Variants in AIFM3 observed in about 807,000 individuals in gnomAD.
The protein encoded by AIFM3 is apoptosis-inducing factor 3.
In AIFM3, 71 loss-of-function variants were observed where a neutral mutation model predicts 82.7. The ratio of observed to expected loss-of-function variants is 0.86; its 90% CI spans 0.71 to 1.05. AIFM3 has a LOEUF of 1.05. Ranked by LOEUF, AIFM3 falls within the 50% of genes least tolerant of loss-of-function variation. The pLI is 0.00. For missense variants in AIFM3, 748 were observed against 816.7 expected (o/e 0.92, Z 1.03); for synonymous variants, 337 against 329.1 (o/e 1.02, Z -0.26).
intron 17 of AIFM3, 60 bp from the exon 18 acceptor site, chr22:20,979,567 T>C: frequency 6.3e-7 from 1 of 1,594,000 alleles, no homozygotes. Flanking sequence ...GAGGGGATCC[T>C]GTGACGTCTC....
rs749268990 is a variant in AIFM3, at chr22:20,976,909, G to T, written c.1189G>T (p.Val397Leu). 1.2e-6 allele frequency: 2 copies of T among 1,609,658 alleles called. No homozygotes were observed. Among genetic ancestry groups the T allele is most frequent in the East Asian group, 2.2e-5 (1 of 44,782 alleles). ...GGTGAAGTTCTACATGCAGACGGAG[G>T]TGTCTGAGCTGCGGGGCCAGGAGGG... ...NRVKFYMQTEVSELRGQEGKL... is the reference protein window; with the variant it reads ...NRVKFYMQTELSELRGQEGKL... The change falls in exon 13 of 21, where the codon GTG becomes TTG. Residue 397 changes from valine (V) to leucine (L), a missense_variant. Physicochemically the swap from Val to Leu is conservative, Grantham distance 32 (BLOSUM62 1). Around this residue, in one of 5 missense-constraint regions of AIFM3, gnomAD observed 393 missense variants for 481.1 expected, o/e 0.82. Transcript: ENST00000440238.
Position 20,979,702 on chromosome 22 carries a change from A to C in AIFM3, c.1652A>C (p.Lys551Thr). 1 of 1,614,106 alleles carries C rather than the reference A, an allele frequency of 6.2e-7. No homozygotes were observed. Among genetic ancestry groups the C allele is most frequent in the African/African-American group, 1.3e-5 (1 of 75,054 alleles). The change falls in exon 18 of 21, where the codon AAA (lysine) becomes ACA (threonine). Residue 551 changes from lysine to threonine, a missense_variant and splice_region_variant. By Grantham distance (78) the Lys-to-Thr change is moderately conservative. This residue lies in a region of AIFM3 where 183 missense variants were observed against 158.2 expected (regional missense o/e 1.16). Transcript: ENST00000440238. The stretch of plus-strand genomic sequence containing the variant: ...CTGAAGTTTGTGGCTTTTTACACTA[A>C]GTGAGAGCACCGGGGTGCAGCTTGG... ...EELKFVAFYTKGDEVIAVASM... is the reference protein window; with the variant it reads ...EELKFVAFYTTGDEVIAVASM...
At position 20,974,641 on chromosome 22, in the gene AIFM3, G is replaced by C. The variant is rs1374883643; in HGVS notation, c.607+20G>C. 3.7e-6 allele frequency: 6 copies of C among 1,613,240 alleles called. No individual in the cohort carries two copies. In the African/African-American group the frequency reaches 4.0e-5, roughly 11 times the overall value. ...GTGCAGGTTGGTAGTGGGGTCATGA[G>C]GGGCAGGGTGGGAGATGGGATTGGT... On this transcript the variant is annotated intron_variant, in intron 7 of 20. Coordinates refer to ENST00000440238, the MANE Select transcript of AIFM3 (RefSeq NM_001386814.1).
intron 18 of AIFM3, 90 bp downstream of exon 18, chr22:20,979,792 C>A: frequency 6.6e-7 from 1 of 1,514,770 alleles, no homozygotes; most frequent in Non-Finnish European, 9.1e-7. Context: ...AGAACAAGAG[C>A]CCAGCCCTGA....
At chr22:20,980,257 C>T in intron 19 of AIFM3, 133 bp downstream of exon 19, 1 of 740,008 alleles carries the variant, frequency 1.4e-6, no homozygotes, top group Non-Finnish European at 2.2e-6. Flanking sequence ...CTGAGGCTTA[C>T]AGGACTACAG....
chr22:20,980,890 A>C, intron 20 of AIFM3, 102 bp from the exon 21 acceptor site: 1 of 1,603,156 alleles, frequency 6.2e-7, no homozygotes, highest in Non-Finnish European at 8.5e-7. Flanking sequence ...GGTCTGGCAC[A>C]GAACAGACCC....
Position 20,974,848 on chromosome 22 carries a change from C to T in AIFM3, c.720+32C>T, listed in dbSNP as rs772851526. ...GGGGTGGGGCAAGTAGGGACCCTAT[C>T]CCTCTGGGTCCCAGTTAAGCCCACT... is the stretch of plus-strand genomic sequence containing the variant. On this transcript the variant is annotated intron_variant, in intron 8 of 20. Transcript: ENST00000440238. 9.4e-6 allele frequency: 15 copies of T among 1,599,270 alleles called. No homozygotes were observed. The East Asian group carries it at 3.3e-4, about 36-fold the overall frequency.
chr22:20,973,593 G>T (rs575878302), intron 3 of AIFM3, 73 bp downstream of exon 3: 142 of 1,432,730 alleles, frequency 9.9e-5, no homozygotes, highest in Non-Finnish European at 1.2e-4. Context: ...CATAGCCGGG[G>T]GTCGGGGTTG....
Position 20,979,613 on chromosome 22 carries a change from T to G in AIFM3, c.1577-14T>G, listed in dbSNP as rs988968324. Reference sequence around the variant, plus strand: ...CCGGCTCACGTGGGTGCCACCCACCTGCCCGGCCCACAGGCTACGGAGAAG... The same window carrying G: ...CCGGCTCACGTGGGTGCCACCCACCGGCCCGGCCCACAGGCTACGGAGAAG... On this transcript the variant is annotated splice_polypyrimidine_tract_variant and intron_variant, in intron 17 of 20. Transcript: ENST00000440238. 15 of 1,613,988 alleles carry G rather than the reference T, an allele frequency of 9.3e-6. No homozygotes were observed. Among genetic ancestry groups the G allele is most frequent in the Admixed American group, 1.7e-5 (1 of 60,008 alleles).
Position 20,967,840 on chromosome 22 carries a change from C to T in AIFM3, c.-105C>T, listed in dbSNP as rs749114830. ...AGCTCCAGCAGGATGGCGGCTCCAG[C>T]GTCTCTAAGGCCTGCAGGGGGTCCA... On this transcript the variant is annotated 5_prime_UTR_variant, in exon 2 of 21. Transcript: ENST00000440238. 10 of 1,275,698 alleles carry T rather than the reference C, an allele frequency of 7.8e-6. No homozygotes were observed. Among genetic ancestry groups the T allele is most frequent in the Admixed American group, 5.1e-5 (3 of 58,656 alleles). 79.0% of individuals were successfully genotyped at this position (1,275,698 alleles called of 1,614,324 possible). A position where few individuals can be genotyped will look rare whatever the true frequency, so the allele number is the denominator to read the frequency against.
At chr22:20,979,500 C>G (rs1038702430) in intron 17 of AIFM3, 127 bp from the exon 18 acceptor site, 3 of 1,474,658 alleles carry the variant, frequency 2.0e-6, no homozygotes, top group African/African-American at 1.4e-5. Flanking sequence ...AACTCGCTGG[C>G]GGCAAGGCTA....
Position 20,981,237 on chromosome 22 carries a change from TGACAGCTGGCACTGGA to T in AIFM3, c.*208_*223del. On this transcript the variant is annotated 3_prime_UTR_variant, in exon 21 of 21. Transcript: ENST00000440238. The stretch of plus-strand genomic sequence containing the variant: ...CAACCCTCAAGGCCTCTGCTGCCAC[TGACAGCTGGCACTGGA>T]GGCAGGACAAGCCCTGCCTCTTCTC... The T allele has an allele frequency of 6.2e-6, 4 of 641,254 alleles. No homozygotes were observed. The highest frequency in any genetic ancestry group is 1.1e-5 in the Non-Finnish European group (4 of 374,744). 39.7% of individuals were successfully genotyped at this position (641,254 alleles called of 1,614,324 possible).
At chr22:20,980,602 CTG>C (rs1924038696) in intron 19 of AIFM3, 143 bp from the exon 20 acceptor site, 1 of 973,826 alleles carries the variant, frequency 1.0e-6, no homozygotes, top group African/African-American at 1.6e-5. Context: ...CTCCCAGGGA[CTG>C]GGGACAGCCT....
intron 2 of AIFM3, among the ~76,000 whole-genome samples, chr22:20,970,465 C>G (rs1247556218): frequency 1.3e-5 from 2 of 151,802 alleles, no homozygotes; most frequent in African/African-American, 4.8e-5. Flanking sequence ...ATTTTTTTAA[C>G]TTTTTTATTT....
intron 2 of AIFM3, 99 bp downstream of exon 2, chr22:20,968,074 A>C: frequency 7.5e-7 from 1 of 1,332,874 alleles, no homozygotes; most frequent in Non-Finnish European, 1.0e-6. Flanking sequence ...AGGCCTCCGA[A>C]GTAGGTCAGG....
chr22:20,980,694 G>A (rs1162718271), intron 19 of AIFM3, 53 bp from the exon 20 acceptor site: 4 of 1,613,106 alleles, frequency 2.5e-6, no homozygotes, highest in Non-Finnish European at 3.4e-6. Flanking sequence ...CATGATAAAT[G>A]ACATGCTCTC....
In AIFM3 at chr22:20,967,968, C is replaced by T. The variant is rs1923015075; in HGVS notation, c.24C>T (p.Pro8=). The part of the protein sequence containing the change: MGGCFSK[P]KPVELKIEVV... ...CCATGGGCGGCTGCTTCTCCAAACCCAAACCAGGTACCTCCTGTCTTCTTG... is the reference window on the plus strand; with the variant it reads ...CCATGGGCGGCTGCTTCTCCAAACCTAAACCAGGTACCTCCTGTCTTCTTG... Residue 8 remains proline (P), a synonymous_variant, in exon 2 of 21, where the codon CCC becomes CCT. Transcript: ENST00000440238. 3 of 1,614,112 alleles carry T rather than the reference C, an allele frequency of 1.9e-6. No homozygotes were observed. The highest frequency in any genetic ancestry group is 2.5e-6 in the Non-Finnish European group (3 of 1,179,964).
Position 20,974,316 on chromosome 22 carries a change from C to A in AIFM3, c.510+20C>A. ...AAGCAGGTGAGGGGATAGCTCGGGG[C>A]TCAGGCAGAAGGGAGGAGCCGGGAG... On this transcript the variant is annotated intron_variant, in intron 6 of 20. Transcript: ENST00000440238. The A allele has an allele frequency of 6.2e-7, 1 of 1,612,332 alleles. No individual in the cohort carries two copies. Among genetic ancestry groups the A allele is most frequent in the South Asian group, 1.1e-5 (1 of 90,826 alleles).
intron 2 of AIFM3, 38 bp downstream of exon 2, chr22:20,968,013 C>T (rs1026414306): frequency 1.3e-6 from 2 of 1,589,270 alleles, no homozygotes; most frequent in South Asian, 1.1e-5. Flanking sequence ...TTTCTCCTCC[C>T]TCCCCGCCTC....
Sources: gnomAD v4.1 joint callset for allele counts (sites outside exome capture counted in the v4.1 genomes callset) on GRCh38, gnomAD v4.1.1 for gene constraint, gnomAD v4.1.1 regional missense constraint, MANE v1.5 for transcripts, NCBI Gene and HGNC (gene_info 2026-07-23, HGNC 2026-07-21) for gene names.